BEST1: variants seen among roughly 807,000 people sequenced by gnomAD.
BEST1 encodes the protein bestrophin 1.
In BEST1, 58 loss-of-function variants were observed where a neutral mutation model predicts 63.3. The observed-to-expected ratio is 0.92, with a 90% CI of 0.74 to 1.14. BEST1 has a LOEUF of 1.14. Among genes scored for constraint, BEST1 ranks in the 50% most tolerant of loss-of-function variants. The pLI, the probability that BEST1 is intolerant of heterozygous loss-of-function variation, is 0.00. For synonymous variants in BEST1, 283 were observed against 291.6 expected, an observed-to-expected ratio of 0.97 and a Z score of 0.30; for missense variants, 671 against 740.1, an observed-to-expected ratio of 0.91 and a Z score of 1.08.
At chr11:61,960,168 C>G in intron 9 of BEST1, 125 bp downstream of exon 9, 1 of 1,284,828 alleles carries the variant, frequency 7.8e-7, no homozygotes, top group Non-Finnish European at 1.1e-6. Context: ...CTGTACTATG[C>G]TCTTTATAAA....
At chr11:61,959,870 T>C (rs767102229) in intron 8 of BEST1, 22 bp from the exon 9 acceptor site, 6 of 1,612,080 alleles carry the variant, frequency 3.7e-6, no homozygotes, top group Non-Finnish European at 3.4e-6. Flanking sequence ...TCTGTGGGAC[T>C]TCTTCTGTCC....
At chr11:61,955,604 C>A (rs1418324228) in intron 3 of BEST1, 114 bp from the exon 4 acceptor site, 4 of 1,264,472 alleles carry the variant, frequency 3.2e-6, no homozygotes, top group Non-Finnish European at 4.4e-6. Context: ...GGGCTGGGGG[C>A]TAGGCCCGCT....
At chr11:61,952,489 A>G (rs1256467121) in intron 2 of BEST1, among the ~76,000 whole-genome samples, 1 of 110,836 alleles carries the variant, frequency 9.0e-6, no homozygotes, top group Non-Finnish European at 1.8e-5. Flanking sequence ...TTTTTGAGAC[A>G]GGGTTTCACT....
rs776628968 is a variant in BEST1 at position 61,962,906 on chromosome 11, C to T, written c.1739+13C>T. ...CCTTGGAAAACAGGTCTGTCCTCCACCTGAACCAGGGGCACTGCATTGCCC... is the reference window on the plus strand; with the variant it reads ...CCTTGGAAAACAGGTCTGTCCTCCATCTGAACCAGGGGCACTGCATTGCCC... On this transcript the variant is annotated intron_variant, in intron 10 of 10. Coordinates refer to ENST00000378043, the MANE Select transcript of BEST1 (RefSeq NM_004183.4). 52 of 1,614,098 alleles carry T rather than the reference C, an allele frequency of 3.2e-5. No individual in the cohort carries two copies. Among genetic ancestry groups the T allele is most frequent in the Middle Eastern group, 1.6e-4 (1 of 6,084 alleles).
intron 10 of BEST1, chr11:61,963,898 G>A (rs1942332861): frequency 5.1e-6 from 7 of 1,366,036 alleles, no homozygotes; most frequent in East Asian, 2.7e-5. Flanking sequence ...AACGCAGGAG[G>A]TTGAGGGGAG....
intron 1 of BEST1, among the ~76,000 whole-genome samples, 171 bp from the exon 2 acceptor site, chr11:61,951,600 C>T (rs113290689): frequency 6.6e-5 from 10 of 152,198 alleles, no homozygotes; most frequent in East Asian, 1.9e-4. Context: ...CACTTTCTTG[C>T]GTTTCTACTT....
At chr11:61,964,531 TTC>T (rs1942391378), downstream of BEST1, 1 of 675,978 alleles carries the variant, frequency 1.5e-6, no homozygotes. Flanking sequence ...CTGGATAGAT[TTC>T]TGATTCATCC....
At position 61,964,357 on chromosome 11, in the gene BEST1, A is replaced by C. The variant is rs1337456807; in HGVS notation, c.*235A>C. The stretch of plus-strand genomic sequence containing the variant: ...GAACCATTGGAAACATTTAACTCAG[A>C]CTCTGGATTCAGAGTCGGGAACCCT... On this transcript the variant is annotated 3_prime_UTR_variant, in exon 11 of 11. Coordinates refer to ENST00000378043, the MANE Select transcript of BEST1 (RefSeq NM_004183.4). 1.2e-6 allele frequency: 1 copy of C among 832,610 alleles called. No homozygotes were observed. Among genetic ancestry groups the C allele is most frequent in the African/African-American group, 1.7e-5 (1 of 58,056 alleles). 51.6% of individuals were successfully genotyped at this position (832,610 alleles called of 1,614,324 possible). A position where few individuals can be genotyped will look rare whatever the true frequency, so the allele number is the denominator to read the frequency against.
intron 3 of BEST1, 28 bp from the exon 4 acceptor site, chr11:61,955,690 C>A: frequency 5.3e-6 from 8 of 1,508,278 alleles, no homozygotes; most frequent in Non-Finnish European, 7.2e-6. Context: ...TGGCCCCTCG[C>A]CCCTCGCCCC....
Position 61,951,881 on chromosome 11 carries a change from G to C in BEST1, c.75G>C (p.Arg25=). 6.2e-7 allele frequency: 1 copy of C among 1,613,514 alleles called. No homozygotes were observed. Among genetic ancestry groups the C allele is most frequent in the Non-Finnish European group, 8.5e-7 (1 of 1,179,906 alleles). ...GSFSRLLLCW[R]GSIYKLLYGE... ...TCTCCCGCCTGCTGCTGTGCTGGCG[G>C]GGCAGCATCTACAAGCTGCTATATG... Residue 25 remains arginine, a synonymous_variant, in exon 2 of 11, where the codon CGG becomes CGC. Coordinates refer to ENST00000378043, the MANE Select transcript of BEST1 (RefSeq NM_004183.4).
Position 61,957,481 on chromosome 11 carries a change from T to C in BEST1, c.714+17T>C. 6.2e-7 allele frequency: 1 copy of C among 1,612,464 alleles called. No homozygotes were observed. The highest frequency in any genetic ancestry group is 1.3e-5 in the African/African-American group (1 of 74,932). On this transcript the variant is annotated intron_variant, in intron 6 of 10. Coordinates refer to ENST00000378043, the MANE Select transcript of BEST1 (RefSeq NM_004183.4). The stretch of plus-strand genomic sequence containing the variant: ...TATACACAGGTGAGGACTAGGCTGG[T>C]GAGGCTGCCCTTTTGGGAAACTGAG...
intron 10 of BEST1, 113 bp downstream of exon 10, chr11:61,963,006 A>G (rs1416264764): frequency 7.5e-6 from 12 of 1,596,004 alleles, no homozygotes; most frequent in Non-Finnish European, 1.0e-5. Flanking sequence ...TCACTGCCAG[A>G]GCACACTGGA....
In BEST1 at chr11:61,952,459, CTTTT is replaced by C. The variant is rs34404535; in HGVS notation, c.152+522_152+525del. Reference sequence around the variant, plus strand: ...ACTGCACTTGACCAACCACATGGTACTTTTTTTTTTTTTTTTTTTTTTTTGAGAC... The same window carrying C: ...ACTGCACTTGACCAACCACATGGTACTTTTTTTTTTTTTTTTTTTTGAGAC... On this transcript the variant is annotated intron_variant, in intron 2 of 10. Coordinates refer to ENST00000378043, the MANE Select transcript of BEST1 (RefSeq NM_004183.4). Among the ~76,000 whole-genome samples, 293 of 78,164 alleles carry C rather than the reference CTTTT, an allele frequency of 3.7e-3. 4 individuals carry two copies. The East Asian group carries it at 0.075, about 20-fold the overall frequency. The allele number at this position is 78,164 out of a possible 152,430, so 51.3% of individuals were successfully genotyped here.
At chr11:61,964,851 A>T (rs1162870366), downstream of BEST1, 1 of 1,602,906 alleles carries the variant, frequency 6.2e-7, no homozygotes. Context: ...GATGGCTTTC[A>T]CCTGCTCATT....
At chr11:61,954,655 G>T (rs1941076577) in intron 2 of BEST1, 1 of 312,810 alleles carries the variant, frequency 3.2e-6, no homozygotes, top group Non-Finnish European at 4.6e-6. Flanking sequence ...TAGAGATAGG[G>T]TCTTGCTATG....
intron 10 of BEST1, 118 bp from the exon 11 acceptor site, chr11:61,963,986 G>A (rs1942344427): frequency 2.7e-6 from 4 of 1,492,764 alleles, no homozygotes; most frequent in African/African-American, 1.6e-5. Context: ...GAGTGAGACT[G>A]TCTCAAAAAA....
chr11:61,950,342 G>C (rs1940515094), upstream of BEST1: 1 of 152,914 alleles, frequency 6.5e-6, no homozygotes, highest in African/African-American at 2.4e-5. Context: ...GTGGGCAGGG[G>C]CACTGGCCAC....
chr11:61,955,435 G>A, intron 3 of BEST1: 1 of 1,402,826 alleles, frequency 7.1e-7, no homozygotes, highest in South Asian at 1.5e-5. Flanking sequence ...TCTGAGGGAA[G>A]CGCTGACATC....
At chr11:61,959,460 T>C in intron 7 of BEST1, 38 bp from the exon 8 acceptor site, 1 of 1,605,910 alleles carries the variant, frequency 6.2e-7, no homozygotes, top group Non-Finnish European at 8.5e-7. Context: ...TTTGAGGAGT[T>C]CTGCCTGAGG....
Sources: allele counts gnomAD v4.1 joint callset (sites outside exome capture counted in the v4.1 genomes callset), GRCh38; gene constraint gnomAD v4.1.1; transcripts MANE v1.5; gene names NCBI Gene and HGNC (gene_info 2026-07-23, HGNC 2026-07-21).